ACTN1: variants seen among roughly 807,000 people sequenced by gnomAD.
ACTN1 encodes actinin alpha 1, also known as alpha-actinin-1.
In ACTN1, 30 loss-of-function variants were observed where a neutral mutation model predicts 119.6. The observed-to-expected ratio is 0.25, with a 90% CI of 0.19 to 0.34. The LOEUF (loss-of-function observed/expected upper bound fraction) is 0.34. Ranked by LOEUF, ACTN1 falls within the 10% of genes least tolerant of loss-of-function variation. The pLI is 1.00. For synonymous variants in ACTN1, 429 were observed against 472.6 expected (o/e 0.91, Z 1.20); for missense variants, 764 against 1,223.4 (o/e 0.62, Z 5.60).
intron 2 of ACTN1, among the ~76,000 whole-genome samples, chr14:68,924,752 C>T (rs79102309): frequency 0.012 from 1,900 of 152,282 alleles, 34 homozygotes; most frequent in African/African-American, 0.043. Context: ...AAAAGAAGGA[C>T]TGAGAAGAAG....
intron 1 of ACTN1, among the ~76,000 whole-genome samples, chr14:68,963,752 A>C (rs1265287811): frequency 6.6e-6 from 1 of 152,246 alleles, no homozygotes; most frequent in Non-Finnish European, 1.5e-5. Flanking sequence ...TTCTCACTTG[A>C]GAAGTTCCTA....
intron 1 of ACTN1, among the ~76,000 whole-genome samples, chr14:68,926,324 A>G (rs2140391885): frequency 6.6e-6 from 1 of 152,354 alleles, no homozygotes; most frequent in African/African-American, 2.4e-5. Flanking sequence ...ATCAAAGACC[A>G]TCAGCTTCAT....
chr14:68,894,916 AT>A (rs1394937737), intron 8 of ACTN1, among the ~76,000 whole-genome samples: 1 of 152,106 alleles, frequency 6.6e-6, no homozygotes, highest in Non-Finnish European at 1.5e-5. Context: ...CGTGCTTAGA[AT>A]TGGAAGGAAT....
At chr14:68,927,601 G>A (rs1453998828) in intron 1 of ACTN1, among the ~76,000 whole-genome samples, 1 of 152,240 alleles carries the variant, frequency 6.6e-6, no homozygotes, top group East Asian at 1.9e-4. Flanking sequence ...TCAGGGCAGG[G>A]GGTGATGGGA....
intron 1 of ACTN1, among the ~76,000 whole-genome samples, chr14:68,941,582 C>A (rs148855640): frequency 6.6e-6 from 1 of 152,274 alleles, no homozygotes; most frequent in East Asian, 1.9e-4. Context: ...GGGATAATAC[C>A]TTTCTCAACT....
intron 2 of ACTN1, among the ~76,000 whole-genome samples, chr14:68,924,925 T>C (rs4899271): frequency 0.021 from 3,219 of 152,138 alleles, 120 homozygotes; most frequent in African/African-American, 0.072. Context: ...GTGTGGGACA[T>C]TGGGGTGGAG....
At chr14:68,963,125 C>A (rs917315232) in intron 1 of ACTN1, among the ~76,000 whole-genome samples, 14 of 151,860 alleles carry the variant, frequency 9.2e-5, no homozygotes, top group Non-Finnish European at 1.6e-4. Context: ...TGACCCTGCC[C>A]CCGCACCCGC....
At position 68,925,841 on chromosome 14, in the gene ACTN1, T is replaced by A. The variant is rs1478017779; in HGVS notation, c.106-169A>T. Among the ~76,000 whole-genome samples, 2 of 152,106 alleles carry A rather than the reference T, an allele frequency of 1.3e-5. No individual in the cohort carries two copies. The highest frequency in any genetic ancestry group is 4.8e-5 in the African/African-American group (2 of 41,400). The stretch of plus-strand genomic sequence containing the variant: ...TCACTGCATCAACCAAGCACTGAGC[T>A]ACCCACAGGGCAGCAGCTGAGGGAC... On this transcript the variant is annotated intron_variant, in intron 1 of 21. Coordinates refer to ENST00000394419, the MANE Select transcript of ACTN1 (RefSeq NM_001130004.2). This position sits in a 1 kb window ranked among gnomAD's most constrained non-coding sequence, Gnocchi z 4.3.
chr14:68,963,552 C>T (rs962291268), intron 1 of ACTN1, among the ~76,000 whole-genome samples: 6 of 152,320 alleles, frequency 3.9e-5, no homozygotes, highest in African/African-American at 7.2e-5. Context: ...GAGAATCTCA[C>T]GTATCCAGCT....
intron 1 of ACTN1, among the ~76,000 whole-genome samples, chr14:68,973,327 G>A (rs963816605): frequency 3.6e-4 from 55 of 152,196 alleles, no homozygotes; most frequent in African/African-American, 1.3e-3. Flanking sequence ...GAGGGACCCG[G>A]TGGGAGGTAA....
chr14:68,938,956 C>T (rs1225233189), intron 1 of ACTN1, among the ~76,000 whole-genome samples: 1 of 152,184 alleles, frequency 6.6e-6, no homozygotes, highest in Non-Finnish European at 1.5e-5. Context: ...CATCTACAGC[C>T]CATTTCAAAA....
Position 68,885,907 on chromosome 14 carries a change from G to A in ACTN1, c.1235-332C>T. Reference sequence around the variant, plus strand: ...CCATCCACACCCTCTGGTATAACCAGGAAAAAAACAACCCAAGCACCTCAG... The same window carrying A: ...CCATCCACACCCTCTGGTATAACCAAGAAAAAAACAACCCAAGCACCTCAG... On this transcript the variant is annotated intron_variant, in intron 11 of 21. Transcript: ENST00000394419. This position sits in a 1 kb window ranked among gnomAD's most constrained non-coding sequence, Gnocchi z 5.6. The A allele has an allele frequency of 4.4e-6, 1 of 227,720 alleles. No homozygotes were observed. Among genetic ancestry groups the A allele is most frequent in the South Asian group, 1.0e-4 (1 of 9,940 alleles). The allele number at this position is 227,720 out of a possible 1,614,324, so 14.1% of individuals were successfully genotyped here. A position where few individuals can be genotyped will look rare whatever the true frequency, so the allele number is the denominator to read the frequency against.
Position 68,882,713 on chromosome 14 carries a change from G to A in ACTN1, c.1819-121C>T. 7.9e-6 allele frequency: 12 copies of A among 1,519,646 alleles called. No individual in the cohort carries two copies. The highest frequency in any genetic ancestry group is 1.2e-5 in the South Asian group (1 of 81,602). 94.1% of individuals were successfully genotyped at this position (1,519,646 alleles called of 1,614,324 possible). ...TCAGTAACAGAACAGGAGTAAAGGT[G>A]TCAACCTGTTCTGGAAACCCAGTCA... On this transcript the variant is annotated intron_variant, in intron 15 of 21. Transcript: ENST00000394419. The surrounding 1 kb of genome is among the most constrained non-coding windows in gnomAD (Gnocchi z 4.5).
In ACTN1 at chr14:68,892,294, AAGGCGGTGGGGGCAGGAGGTGAGG is replaced by A; in HGVS notation, c.856-35_856-12del. The A allele has an allele frequency of 6.2e-7, 1 of 1,606,600 alleles. No individual in the cohort carries two copies. On this transcript the variant is annotated splice_polypyrimidine_tract_variant and intron_variant, in intron 9 of 21. Transcript: ENST00000394419. ...GATCCACTCCAACAGCTAGGGTGGGAAGGCGGTGGGGGCAGGAGGTGAGGAGGCGGGGAGGGAGTGTGCTAGGGC... is the reference window on the plus strand; with the variant it reads ...GATCCACTCCAACAGCTAGGGTGGGAAGGCGGGGAGGGAGTGTGCTAGGGC...
chr14:68,977,428 G>A (rs771964352), intron 1 of ACTN1: 1 of 153,720 alleles, frequency 6.5e-6, no homozygotes, highest in East Asian at 1.9e-4. Context: ...ACATTACAAA[G>A]AAGTCAGTTC....
chr14:68,933,609 G>C (rs868117373), intron 1 of ACTN1, among the ~76,000 whole-genome samples: 2 of 152,122 alleles, frequency 1.3e-5, no homozygotes, highest in African/African-American at 4.8e-5. Context: ...GAGGTGGCCC[G>C]GGGCAGAAGC....
intron 2 of ACTN1, among the ~76,000 whole-genome samples, chr14:68,924,400 A>G (rs911522589): frequency 1.5e-4 from 23 of 152,192 alleles, no homozygotes; most frequent in African/African-American, 5.5e-4. Flanking sequence ...ATCTGGGGAG[A>G]GCTGCACGTT....
At chr14:68,890,542 T>A (rs2032394541) in intron 10 of ACTN1, among the ~76,000 whole-genome samples, 1 of 152,078 alleles carries the variant, frequency 6.6e-6, no homozygotes, top group African/African-American at 2.4e-5. Context: ...TATGGGACTT[T>A]GAGAACAGAG....
intron 1 of ACTN1, among the ~76,000 whole-genome samples, chr14:68,953,307 C>A (rs1307410900): frequency 2.0e-5 from 3 of 152,166 alleles, no homozygotes; most frequent in African/African-American, 7.2e-5. Context: ...CTTCTTCCAG[C>A]CCCAGCTAAA....
Sources: gnomAD v4.1 joint callset for allele counts (sites outside exome capture counted in the v4.1 genomes callset) on GRCh38, gnomAD v4.1.1 for gene constraint, Gnocchi (gnomAD v3.1) non-coding constraint, MANE v1.5 for transcripts, NCBI Gene and HGNC (gene_info 2026-07-23, HGNC 2026-07-21) for gene names.